Variants in ABCC4 observed in about 807,000 individuals in gnomAD.
The protein encoded by ABCC4 is ATP binding cassette subfamily C member 4 (PEL blood group).
A neutral mutation model predicts 168.5 loss-of-function variants in ABCC4; 102 were observed. The ratio of observed to expected loss-of-function variants is 0.61; its 90% confidence interval spans 0.52 to 0.71. The LOEUF is 0.71. ABCC4 is among the 30% of genes least tolerant of loss of function. The pLI, the probability that ABCC4 is intolerant of heterozygous loss-of-function variation, is 0.00. For missense variants in ABCC4, 1,402 were observed against 1,605.8 expected (o/e 0.87, Z 2.17); for synonymous variants, 617 against 590.7 (o/e 1.04, Z -0.65).
chr13:95,115,025 A>AT, intron 20 of ABCC4, among the ~76,000 whole-genome samples: 1 of 152,188 alleles, frequency 6.6e-6, no homozygotes, highest in East Asian at 1.9e-4. Context: ...AGCAGCTGAG[A>AT]TTTTGGAATA....
chr13:95,171,263 C>T (rs757057693), intron 13 of ABCC4, among the ~76,000 whole-genome samples: 4 of 152,092 alleles, frequency 2.6e-5, no homozygotes, highest in African/African-American at 4.8e-5. Flanking sequence ...AGAATCCAAA[C>T]AGTCCAAACC....
intron 1 of ABCC4, among the ~76,000 whole-genome samples, chr13:95,271,146 G>A (rs1157213407): frequency 2.6e-5 from 4 of 152,176 alleles, no homozygotes; most frequent in Non-Finnish European, 4.4e-5. Context: ...CACCCAAGAC[G>A]ACCCAAGAAA....
intron 16 of ABCC4, 143 bp downstream of exon 16, chr13:95,164,235 C>G (rs1040464658): frequency 8.4e-6 from 8 of 955,220 alleles, no homozygotes; most frequent in African/African-American, 1.7e-5. Context: ...CATGGAACAC[C>G]AGTAGGCAGC....
chr13:95,265,528 T>C (rs1198733323), intron 1 of ABCC4, among the ~76,000 whole-genome samples: 2 of 152,168 alleles, frequency 1.3e-5, no homozygotes, highest in Admixed American at 6.5e-5. Flanking sequence ...CCCAACACTT[T>C]GGGAGGCTGA....
chr13:95,127,169 C>T (rs1046835934), intron 19 of ABCC4, among the ~76,000 whole-genome samples: 16 of 152,222 alleles, frequency 1.1e-4, no homozygotes, highest in East Asian at 1.9e-4. Context: ...CATTTCTAAA[C>T]GCAGCAGCCA....
intron 20 of ABCC4, among the ~76,000 whole-genome samples, chr13:95,110,858 C>G (rs1223096480): frequency 1.3e-5 from 2 of 151,730 alleles, no homozygotes; most frequent in African/African-American, 4.8e-5. Flanking sequence ...GTCCCAGCTA[C>G]TCGGGAGGCT....
intron 10 of ABCC4, among the ~76,000 whole-genome samples, chr13:95,187,389 G>C (rs948867993): frequency 1.2e-4 from 18 of 152,130 alleles, no homozygotes; most frequent in Admixed American, 1.3e-4. Context: ...TGGATGACTT[G>C]AGGCCAGGAG....
At chr13:95,210,823 G>A (rs766903485) in intron 4 of ABCC4, 42 bp from the exon 5 acceptor site, 30 of 1,481,340 alleles carry the variant, frequency 2.0e-5, no homozygotes, top group Non-Finnish European at 2.8e-5. Context: ...TTCATGCAGT[G>A]ATACTAAGTC....
At chr13:95,163,729 C>G (rs560243868) in intron 16 of ABCC4, 82 bp from the exon 17 acceptor site, 1 of 1,219,724 alleles carries the variant, frequency 8.2e-7, no homozygotes, top group African/African-American at 1.5e-5. Flanking sequence ...CTAACATGGA[C>G]AACCGAAAGA....
chr13:95,269,432 AAAATATATATAT>A, intron 1 of ABCC4: 3 of 170,912 alleles, frequency 1.8e-5, no homozygotes, highest in Non-Finnish European at 2.1e-5. Context: ...TCTCAAAAAA[AAAATATATATAT>A]ATATATATAT....
chr13:95,199,632 C>A (rs750231251), intron 8 of ABCC4, among the ~76,000 whole-genome samples: 1 of 152,146 alleles, frequency 6.6e-6, no homozygotes, highest in Non-Finnish European at 1.5e-5. Flanking sequence ...CTCTCAATGG[C>A]TTTCAAATCT....
chr13:95,044,470 C>T, intron 27 of ABCC4, 32 bp from the exon 28 acceptor site: 2 of 1,569,476 alleles, frequency 1.3e-6, no homozygotes, highest in Non-Finnish European at 1.7e-6. Flanking sequence ...TGACTGCTAT[C>T]ATTCAAGCCG....
At chr13:95,096,117 G>C (rs1219541579) in intron 20 of ABCC4, 1 of 609,442 alleles carries the variant, frequency 1.6e-6, no homozygotes, top group South Asian at 2.0e-5. Context: ...CTTGAGGAGG[G>C]AGGAGGATTG....
At chr13:95,113,835 A>G (rs1399854296) in intron 20 of ABCC4, among the ~76,000 whole-genome samples, 4 of 152,200 alleles carry the variant, frequency 2.6e-5, no homozygotes, top group Non-Finnish European at 5.9e-5. Flanking sequence ...CTTCCTGACA[A>G]CCATTTAAAC....
rs1193442042 is a variant in ABCC4, at chr13:95,171,571, A to AG, written c.1728-944dup. 8.2e-5 allele frequency among the ~76,000 whole-genome samples: 11 copies of AG among 134,710 alleles called. No homozygotes were observed. In the Admixed American group the frequency reaches 8.6e-4, roughly 11 times the overall value. 88.4% of individuals were successfully genotyped at this position (134,710 alleles called of 152,430 possible). A position where few individuals can be genotyped will look rare whatever the true frequency, so the allele number is the denominator to read the frequency against. ...ACCCTGTCTCAAAAAGAAAAAAAGG[A>AG]GAAAAAAAAAAAAGAAAAAGAAAAG... is the stretch of plus-strand genomic sequence containing the variant. On this transcript the variant is annotated intron_variant, in intron 13 of 30. Transcript: ENST00000645237.
chr13:95,023,603 T>A (rs1309973984), intron 30 of ABCC4, among the ~76,000 whole-genome samples: 1 of 152,200 alleles, frequency 6.6e-6, no homozygotes, highest in Non-Finnish European at 1.5e-5. Context: ...AACAATAGCT[T>A]ACGTCACAGG....
intron 30 of ABCC4, 21 bp from the exon 31 acceptor site, chr13:95,021,703 C>G (rs2031095266): frequency 6.5e-7 from 1 of 1,529,752 alleles, no homozygotes; most frequent in African/African-American, 1.4e-5. Context: ...AAAAGGTAAG[C>G]ATAAAAAGAA....
intron 19 of ABCC4, among the ~76,000 whole-genome samples, chr13:95,145,607 C>A (rs1454256302): frequency 2.0e-5 from 3 of 147,234 alleles, no homozygotes; most frequent in Non-Finnish European, 3.0e-5. Context: ...ACAGAGGAGA[C>A]CCCATCTCCA....
At chr13:95,051,537 TC>T (rs1428404247) in intron 27 of ABCC4, among the ~76,000 whole-genome samples, 2 of 151,698 alleles carry the variant, frequency 1.3e-5, no homozygotes, top group Non-Finnish European at 2.9e-5. Flanking sequence ...TCTGGCTAAT[TC>T]TTTTTTTTTT....
Sources: allele counts gnomAD v4.1 joint callset (sites outside exome capture counted in the v4.1 genomes callset), GRCh38; gene constraint gnomAD v4.1.1; transcripts MANE v1.5; gene names NCBI Gene and HGNC (gene_info 2026-07-23, HGNC 2026-07-21).